The following NKAIN3 variants were observed in gnomAD, a reference collection of about 807,000 sequenced individuals.
The protein encoded by NKAIN3 is sodium/potassium-transporting ATPase subunit beta-1-interacting protein 3.
A neutral mutation model predicts 30.2 loss-of-function variants in NKAIN3; 25 were observed. The observed-to-expected ratio is 0.83, with a 90% CI of 0.60 to 1.16. The LOEUF is 1.16. NKAIN3 is among the 50% of genes most tolerant of loss of function. The pLI is 0.00. For synonymous variants in NKAIN3, 91 were observed against 89.6 expected (o/e 1.02, Z -0.09); for missense variants, 225 against 254.1 (o/e 0.89, Z 0.78).
At chr8:62,896,322 C>G (rs1378525) in intron 4 of NKAIN3, among the ~76,000 whole-genome samples, 116,813 of 151,486 alleles carry the variant, frequency 0.77, 45,862 homozygotes, top group East Asian at 0.93. Flanking sequence ...CTTCCAAAAG[C>G]ATCACCTCCT....
chr8:62,251,915 C>T (rs567373317), intron 1 of NKAIN3, among the ~76,000 whole-genome samples: 4 of 152,288 alleles, frequency 2.6e-5, no homozygotes, highest in South Asian at 2.1e-4. Flanking sequence ...GAAGGAATAA[C>T]TGTTAACTAT....
At chr8:62,383,613 G>A (rs1817339822) in intron 1 of NKAIN3, 2 of 432,510 alleles carry the variant, frequency 4.6e-6, no homozygotes, top group East Asian at 7.1e-5. Context: ...AGTTTTTTAA[G>A]CCAAGTGCTT....
At chr8:62,908,155 T>G (rs1351637725) in intron 4 of NKAIN3, among the ~76,000 whole-genome samples, 1 of 152,218 alleles carries the variant, frequency 6.6e-6, no homozygotes, top group Non-Finnish European at 1.5e-5. Flanking sequence ...ATTTTGGCGC[T>G]TACTGCCCTG....
At chr8:62,552,905 T>G (rs988746656) in intron 1 of NKAIN3, among the ~76,000 whole-genome samples, 2 of 152,130 alleles carry the variant, frequency 1.3e-5, no homozygotes, top group Non-Finnish European at 2.9e-5. Flanking sequence ...GCCATACAAT[T>G]GCAATCATGC....
At chr8:62,992,108 T>A (rs578205504) in intron 5 of NKAIN3, among the ~76,000 whole-genome samples, 1 of 151,730 alleles carries the variant, frequency 6.6e-6, no homozygotes, top group South Asian at 2.1e-4. Context: ...AGCTTACATC[T>A]CCCAGGTTTA....
intron 3 of NKAIN3, among the ~76,000 whole-genome samples, chr8:62,713,103 G>A (rs1261283871): frequency 6.6e-6 from 1 of 152,162 alleles, no homozygotes; most frequent in Non-Finnish European, 1.5e-5. Flanking sequence ...TGCAGGAGCA[G>A]TCTGCTTCCT....
intron 3 of NKAIN3, among the ~76,000 whole-genome samples, chr8:62,684,042 A>C (rs1563515061): frequency 6.6e-6 from 1 of 152,164 alleles, no homozygotes; most frequent in African/African-American, 2.4e-5. Flanking sequence ...CTTACCTTGC[A>C]TTCCTCTCAA....
At chr8:62,494,639 T>C (rs1351105600) in intron 1 of NKAIN3, among the ~76,000 whole-genome samples, 1 of 152,106 alleles carries the variant, frequency 6.6e-6, no homozygotes, top group Non-Finnish European at 1.5e-5. Context: ...TGTGAGTTTC[T>C]CTGGGCCTGG....
chr8:62,251,678 T>C (rs1812107016), intron 1 of NKAIN3, among the ~76,000 whole-genome samples: 1 of 152,150 alleles, frequency 6.6e-6, no homozygotes, highest in Admixed American at 6.5e-5. Flanking sequence ...TGACACACTT[T>C]TAGGTTTAAT....
rs1193752736 is a variant in NKAIN3, at chr8:62,967,259, T to C, written c.*1852T>C. On this transcript the variant is annotated 3_prime_UTR_variant, in exon 7 of 7. Transcript: ENST00000623646. ...AGCCATAGCCAGTGGACAGAGAACA[T>C]GGGAGCAAAAGTTGGGGTTTGGGTC... Among the ~76,000 whole-genome samples the C allele has an allele frequency of 6.6e-6, 1 of 152,264 alleles. No homozygotes were observed. The highest frequency in any genetic ancestry group is 1.5e-5 in the Non-Finnish European group (1 of 68,022).
intron 1 of NKAIN3, among the ~76,000 whole-genome samples, chr8:62,279,134 A>T (rs1813080167): frequency 6.6e-6 from 1 of 152,178 alleles, no homozygotes; most frequent in African/African-American, 2.4e-5. Flanking sequence ...ACCAGTGATG[A>T]TGAGCATTTT....
chr8:62,758,755 T>C (rs1288006911), intron 4 of NKAIN3, among the ~76,000 whole-genome samples: 1 of 152,204 alleles, frequency 6.6e-6, no homozygotes, highest in African/African-American at 2.4e-5. Context: ...GTTTTAAACC[T>C]AGTTACCTAC....
chr8:62,797,482 A>G (rs954165045), intron 4 of NKAIN3, among the ~76,000 whole-genome samples: 8 of 152,172 alleles, frequency 5.3e-5, no homozygotes, highest in Admixed American at 1.3e-4. Flanking sequence ...AACGATGCAA[A>G]ATGGAGTGCC....
intron 4 of NKAIN3, among the ~76,000 whole-genome samples, chr8:62,761,126 C>T (rs1359128771): frequency 1.3e-5 from 2 of 152,070 alleles, no homozygotes; most frequent in African/African-American, 4.8e-5. Context: ...TTGGACATAA[C>T]AGGCTCACAG....
intron 4 of NKAIN3, among the ~76,000 whole-genome samples, chr8:62,814,484 A>T (rs531779515): frequency 1.3e-5 from 2 of 152,198 alleles, no homozygotes; most frequent in South Asian, 4.1e-4. Context: ...GTTGGAAGTA[A>T]AGCTCTCCTC....
intron 1 of NKAIN3, among the ~76,000 whole-genome samples, chr8:62,312,785 T>A (rs1371666871): frequency 6.7e-6 from 1 of 149,142 alleles, no homozygotes; most frequent in African/African-American, 2.5e-5. Context: ...GCCACTGCGG[T>A]ACAGCCTGAA....
intron 1 of NKAIN3, among the ~76,000 whole-genome samples, chr8:62,512,958 T>C (rs566048254): frequency 3.9e-5 from 6 of 152,140 alleles, no homozygotes; most frequent in Non-Finnish European, 2.9e-5. Context: ...ACAAGAAATA[T>C]GGCAGCAGGG....
At chr8:62,454,767 CA>C (rs1209396919) in intron 1 of NKAIN3, among the ~76,000 whole-genome samples, 2 of 151,752 alleles carry the variant, frequency 1.3e-5, no homozygotes, top group African/African-American at 4.8e-5. Context: ...ACAGATACAC[CA>C]AAAGGGAAAA....
intron 4 of NKAIN3, among the ~76,000 whole-genome samples, chr8:62,767,345 C>T (rs1478498360): frequency 2.6e-5 from 4 of 152,156 alleles, no homozygotes; most frequent in Admixed American, 2.0e-4. Context: ...CTCACCTCCC[C>T]TCCAAGGCTG....
Sources: gnomAD v4.1 joint callset for allele counts (sites outside exome capture counted in the v4.1 genomes callset) on GRCh38, gnomAD v4.1.1 for gene constraint, MANE v1.5 for transcripts, NCBI Gene and HGNC (gene_info 2026-07-23, HGNC 2026-07-21) for gene names.